CFAP74: variants seen among roughly 807,000 people sequenced by gnomAD.
CFAP74 encodes the protein cilia- and flagella-associated protein 74.
A neutral mutation model predicts 188.9 loss-of-function variants in CFAP74; 124 were observed. The observed-to-expected ratio is 0.66, with a 90% CI of 0.57 to 0.76. The LOEUF (loss-of-function observed/expected upper bound fraction) is 0.76. CFAP74 is among the 30% of genes least tolerant of loss of function. The pLI is 0.00. For missense variants in CFAP74, 2,198 were observed against 2,165.2 expected, an observed-to-expected ratio of 1.02 and a Z score of -0.30; for synonymous variants, 956 against 916.7, an observed-to-expected ratio of 1.04 and a Z score of -0.77.
rs182433821 is a variant in CFAP74 at position 1,930,035 on chromosome 1, G to T, written c.3288+25C>A. 365 of 1,488,582 alleles carry T rather than the reference G, an allele frequency of 2.5e-4. 8 individuals are homozygous for T. In the Admixed American group the frequency reaches 7.3e-3, roughly 30 times the overall value. 92.2% of individuals were successfully genotyped at this position (1,488,582 alleles called of 1,614,324 possible). ...GGTGGCGTGGAGCTCCTGCTTCCCA[G>T]CCTGCATGTGGGGCCCACACCCACC... On this transcript the variant is annotated intron_variant, in intron 26 of 38. Coordinates refer to ENST00000682832, the MANE Select transcript of CFAP74 (RefSeq NM_001304360.2).
chr1:1,985,677 T>C (rs1158651845), intron 5 of CFAP74, among the ~76,000 whole-genome samples, 187 bp from the exon 6 acceptor site: 2 of 152,210 alleles, frequency 1.3e-5, no homozygotes, highest in African/African-American at 4.8e-5. Flanking sequence ...GGGCAGGCAG[T>C]GCCCACATGG....
At chr1:1,984,686 A>T (rs1657123397) in intron 6 of CFAP74, 1 of 152,732 alleles carries the variant, frequency 6.5e-6, no homozygotes, top group Non-Finnish European at 1.5e-5. Context: ...AGTGCAGGTC[A>T]GAGACTGGGT....
chr1:1,929,470 T>C (rs1652188135), intron 26 of CFAP74, among the ~76,000 whole-genome samples: 1 of 107,000 alleles, frequency 9.3e-6, no homozygotes, highest in Non-Finnish European at 2.0e-5. Flanking sequence ...TCTGCAGTAA[T>C]GTGTGTGGGG....
At chr1:1,932,927 C>T (rs2102037284) in intron 25 of CFAP74, among the ~76,000 whole-genome samples, 1 of 150,114 alleles carries the variant, frequency 6.7e-6, no homozygotes, top group Admixed American at 6.7e-5. Context: ...GCTCTGTCAC[C>T]CAGGCTGGAG....
intron 1 of CFAP74, among the ~76,000 whole-genome samples, chr1:1,995,356 A>C (rs1281245202): frequency 6.6e-6 from 1 of 151,406 alleles, no homozygotes; most frequent in Non-Finnish European, 1.5e-5. Context: ...GCCGGGCGTG[A>C]TGGCGCATCC....
chr1:1,995,692 G>A (rs1002437180), intron 1 of CFAP74, among the ~76,000 whole-genome samples: 6 of 151,598 alleles, frequency 4.0e-5, no homozygotes, highest in East Asian at 4.0e-4. Flanking sequence ...GGTGGATCAC[G>A]AGGTCAGGAG....
chr1:1,971,063 A>G (rs1333879556), intron 9 of CFAP74, among the ~76,000 whole-genome samples: 1 of 144,124 alleles, frequency 6.9e-6, no homozygotes, highest in African/African-American at 2.8e-5. Flanking sequence ...ACATGCTCAC[A>G]CACGCACACC....
chr1:1,943,225 G>A (rs1261927329), intron 21 of CFAP74, among the ~76,000 whole-genome samples: 1 of 152,300 alleles, frequency 6.6e-6, no homozygotes, highest in Middle Eastern at 3.4e-3. Flanking sequence ...CGACAGACAC[G>A]CCTGGGCCCT....
intron 18 of CFAP74, among the ~76,000 whole-genome samples, chr1:1,948,433 G>T (rs376260706): frequency 3.2e-4 from 37 of 115,274 alleles, no homozygotes; most frequent in Middle Eastern, 9.4e-3. Flanking sequence ...ATATATTTAT[G>T]TGTATATTGG....
chr1:1,986,500 C>A (rs1269732408), intron 5 of CFAP74, among the ~76,000 whole-genome samples: 1 of 152,202 alleles, frequency 6.6e-6, no homozygotes, highest in Non-Finnish European at 1.5e-5. Context: ...CCTGGTGCCC[C>A]CAGAGGGTGA....
At position 1,990,923 on chromosome 1, in the gene CFAP74, C is replaced by T. The variant is rs374626550; in HGVS notation, c.34G>A (p.Glu12Lys). Residue 12 changes from glutamate to lysine, a missense_variant, in exon 2 of 39, where the codon GAG becomes AAG. Transcript: ENST00000682832. ...EDDGSLLPED[E>K]LLADALLLED... ...AAAAGAAGGGCATCGGCCAAAAGCT[C>T]GTCCTCAGGGAGCAGGCTGCCGTCA... 2.2e-5 allele frequency: 36 copies of T among 1,612,950 alleles called. No individual in the cohort carries two copies. The highest frequency in any genetic ancestry group is 5.3e-5 in the African/African-American group (4 of 75,002).
intron 15 of CFAP74, among the ~76,000 whole-genome samples, chr1:1,959,534 G>C (rs1345582854): frequency 6.6e-6 from 1 of 152,214 alleles, no homozygotes; most frequent in African/African-American, 2.4e-5. Flanking sequence ...CCAAAGTGCT[G>C]GGATTACAGG....
intron 25 of CFAP74, among the ~76,000 whole-genome samples, chr1:1,932,681 C>T (rs1480849588): frequency 2.0e-5 from 3 of 148,038 alleles, no homozygotes; most frequent in Admixed American, 2.0e-4. Flanking sequence ...GCAACCTCCG[C>T]CTCCCGGGTT....
At chr1:1,988,836 A>AC in intron 3 of CFAP74, 53 bp downstream of exon 3, 1 of 112,280 alleles carries the variant, frequency 8.9e-6, no homozygotes, top group Non-Finnish European at 1.6e-5. Flanking sequence ...CCCCACCCCC[A>AC]CCCCCACCCC....
Position 1,968,632 on chromosome 1 carries a change from C to T in CFAP74, c.1245+3G>A. 6.2e-7 allele frequency: 1 copy of T among 1,612,366 alleles called. No homozygotes were observed. The highest frequency in any genetic ancestry group is 8.5e-7 in the Non-Finnish European group (1 of 1,179,100). On this transcript the variant is annotated splice_donor_region_variant and intron_variant, in intron 11 of 38. Coordinates refer to ENST00000682832, the MANE Select transcript of CFAP74 (RefSeq NM_001304360.2). The surrounding 1 kb of genome is among the most constrained non-coding windows in gnomAD (Gnocchi z 4.3). Reference sequence around the variant, plus strand: ...TCTGTCTACAGGAAGGCGTTTTGCTCACCAGTGTGTACGTGTTGGTTGGGA... The same window carrying T: ...TCTGTCTACAGGAAGGCGTTTTGCTTACCAGTGTGTACGTGTTGGTTGGGA...
chr1:1,934,436 CAT>C lies in CFAP74; in HGVS notation c.3012-4102_3012-4101del, dbSNP rs762374534. ...TGTGTACATGTGTGTTGTAGGTACA[CAT>C]GTGTGTATTAGGTTGTAGGTACACA... is the stretch of plus-strand genomic sequence containing the variant. On this transcript the variant is annotated intron_variant, in intron 25 of 38. Coordinates refer to ENST00000682832, the MANE Select transcript of CFAP74 (RefSeq NM_001304360.2). Among the ~76,000 whole-genome samples the C allele has an allele frequency of 2.4e-4, 7 of 28,756 alleles. 1 individual carries two copies. The East Asian group carries it at 3.8e-3, about 16-fold the overall frequency. The allele number at this position is 28,756 out of a possible 152,430, so 18.9% of individuals were successfully genotyped here.
In CFAP74 at chr1:1,984,743, T is replaced by G. The variant is rs563008434; in HGVS notation, c.500+643A>C. 3 of 153,266 alleles carry G rather than the reference T, an allele frequency of 2.0e-5. No individual in the cohort carries two copies. In the East Asian group the frequency reaches 5.8e-4, roughly 30 times the overall value. The allele number at this position is 153,266 out of a possible 1,614,324, so 9.5% of individuals were successfully genotyped here. On this transcript the variant is annotated intron_variant, in intron 6 of 38. Transcript: ENST00000682832. Reference sequence around the variant, plus strand: ...GTGGAGTGAGGCTGAGATGTTAGGTTGCATGAGGGCTGGCGGCATGGGCAC... The same window carrying G: ...GTGGAGTGAGGCTGAGATGTTAGGTGGCATGAGGGCTGGCGGCATGGGCAC...
chr1:1,974,590 C>A (rs753397898), intron 6 of CFAP74, among the ~76,000 whole-genome samples: 5 of 151,900 alleles, frequency 3.3e-5, no homozygotes, highest in Non-Finnish European at 7.4e-5. Context: ...TGACCGGCAC[C>A]CAAGACCACC....
chr1:1,983,373 C>CCCCACAGTGG (rs1451294712), intron 6 of CFAP74, among the ~76,000 whole-genome samples: 65 of 152,206 alleles, frequency 4.3e-4, no homozygotes, highest in African/African-American at 1.5e-3. Context: ...AAGAAGCCAG[C>CCCCACAGTGG]GGCCCCACAG....
Sources: allele counts gnomAD v4.1 joint callset (sites outside exome capture counted in the v4.1 genomes callset), GRCh38; gene constraint gnomAD v4.1.1; non-coding constraint Gnocchi (gnomAD v3.1); transcripts MANE v1.5; gene names NCBI Gene and HGNC (gene_info 2026-07-23, HGNC 2026-07-21).